Variants in XKR9 observed in about 807,000 individuals in gnomAD.
XKR9 encodes the protein XK-related protein 9.
Under a neutral mutation model 32.0 loss-of-function variants are expected in XKR9, and 32 were observed. That is an observed-to-expected ratio of 1.00 (90% CI 0.76 to 1.34). XKR9 has a LOEUF of 1.34. XKR9 is among the 40% of genes most tolerant of loss of function. The probability of loss-of-function intolerance (pLI) is 0.00; values close to 1 mark genes in which losing one functional copy is unlikely to be tolerated. For missense variants in XKR9, 546 were observed against 429.7 expected, an observed-to-expected ratio of 1.27 and a Z score of -2.39; for synonymous variants, 168 against 143.4, an observed-to-expected ratio of 1.17 and a Z score of -1.22.
chr8:70,890,208 G>A, the XKR9 span, among the ~76,000 whole-genome samples: 2 of 151,696 alleles, frequency 1.3e-5, no homozygotes, highest in African/African-American at 4.8e-5. Context: ...TTGTTGGGGT[G>A]TAGCTTTTAG....
chr8:70,957,783 C>CTTTTTTTTTT, the XKR9 span, among the ~76,000 whole-genome samples: 5 of 84,788 alleles, frequency 5.9e-5, no homozygotes, highest in Admixed American at 1.6e-4. Flanking sequence ...TTCAGTCTAT[C>CTTTTTTTTTT]TTTTTTTTTT....
the XKR9 span, among the ~76,000 whole-genome samples, chr8:71,042,631 G>C: frequency 1.2e-4 from 18 of 151,742 alleles, no homozygotes; most frequent in African/African-American, 3.9e-4. Flanking sequence ...TCCAGACAAG[G>C]CTACAGAAAA....
the XKR9 span, among the ~76,000 whole-genome samples, chr8:70,864,336 C>T: frequency 9.2e-5 from 14 of 152,244 alleles, no homozygotes; most frequent in African/African-American, 3.4e-4. Context: ...TCCTGTTAGC[C>T]TTTTCACCCT....
At chr8:70,944,302 G>A in the XKR9 span, among the ~76,000 whole-genome samples, 1 of 152,138 alleles carries the variant, frequency 6.6e-6, no homozygotes, top group South Asian at 2.1e-4. Context: ...TCTGGCCTAA[G>A]AAAGAACCAT....
the XKR9 span, among the ~76,000 whole-genome samples, chr8:70,830,541 T>C: frequency 6.6e-6 from 1 of 152,144 alleles, no homozygotes; most frequent in Non-Finnish European, 1.5e-5. Flanking sequence ...GTGTGGTGAT[T>C]GTGCCACTGC....
the XKR9 span, among the ~76,000 whole-genome samples, chr8:70,963,365 C>A: frequency 6.6e-6 from 1 of 152,266 alleles, no homozygotes; most frequent in Middle Eastern, 3.4e-3. Context: ...TCCAGTCTAT[C>A]ATTATTGGGC....
intron 2 of XKR9, among the ~76,000 whole-genome samples, chr8:70,757,570 T>C (rs1284274297): frequency 6.6e-6 from 1 of 151,908 alleles, no homozygotes; most frequent in Non-Finnish European, 1.5e-5. Flanking sequence ...TATGTATGTA[T>C]GTATGTATGT....
At chr8:70,947,327 C>T in the XKR9 span, among the ~76,000 whole-genome samples, 12 of 152,118 alleles carry the variant, frequency 7.9e-5, no homozygotes, top group Non-Finnish European at 1.6e-4. Context: ...TAAAAGTTCC[C>T]TTTTCGATTG....
the XKR9 span, among the ~76,000 whole-genome samples, chr8:70,951,338 A>C: frequency 6.6e-6 from 1 of 152,232 alleles, no homozygotes; most frequent in Admixed American, 6.5e-5. Context: ...CAGAGTTAGG[A>C]GGTCAGCTGT....
exon 4 of XKR9, chr8:70,790,316 G>T (rs373083240): frequency 6.6e-6 from 1 of 151,974 alleles, no homozygotes. Flanking sequence ...ATGAAAATGT[G>T]CCTTTAAAAG....
the XKR9 span, among the ~76,000 whole-genome samples, chr8:70,968,332 TC>T: frequency 6.6e-6 from 1 of 152,148 alleles, no homozygotes; most frequent in African/African-American, 2.4e-5. Context: ...GGTTGTCAGC[TC>T]CTGTATTATT....
At chr8:70,824,028 T>C in the XKR9 span, among the ~76,000 whole-genome samples, 5 of 152,142 alleles carry the variant, frequency 3.3e-5, no homozygotes, top group African/African-American at 1.2e-4. Flanking sequence ...CCAAAGCAAT[T>C]TGTAGTCTTT....
intron 4 of XKR9, among the ~76,000 whole-genome samples, chr8:70,711,121 T>C (rs1805905348): frequency 6.6e-6 from 1 of 152,102 alleles, no homozygotes; most frequent in Non-Finnish European, 1.5e-5. Flanking sequence ...AGTCAAAAAA[T>C]AGCAGATGTA....
chr8:70,976,046 CTGT>C, the XKR9 span, among the ~76,000 whole-genome samples: 6 of 152,138 alleles, frequency 3.9e-5, no homozygotes, highest in Admixed American at 3.9e-4. Context: ...CTCTGTTTGT[CTGT>C]TATTTGTGTA....
chr8:70,897,955 A>G, the XKR9 span, among the ~76,000 whole-genome samples: 10 of 152,242 alleles, frequency 6.6e-5, no homozygotes, highest in Non-Finnish European at 1.2e-4. Flanking sequence ...ACATTTATTT[A>G]ATGTAGAGGA....
rs888853624 is a variant in XKR9, at chr8:70,764,846, G to C, written n.353-24493G>C. On this transcript the variant is annotated intron_variant and non_coding_transcript_variant, in intron 2 of 3. Transcript: ENST00000520273. The stretch of plus-strand genomic sequence containing the variant: ...TATGAGTGAGAACATGCGGTGTTTG[G>C]TTTTCTGTTCCTGTGTTAGTTTGCT... Among the ~76,000 whole-genome samples the C allele has an allele frequency of 9.9e-5, 15 of 152,214 alleles. 1 individual carries two copies. The South Asian group carries it at 2.5e-3, about 25-fold the overall frequency.
chr8:70,783,152 G>A (rs1457147922), intron 2 of XKR9, among the ~76,000 whole-genome samples: 1 of 151,316 alleles, frequency 6.6e-6, no homozygotes, highest in Admixed American at 6.6e-5. Flanking sequence ...CCTTCTTGTG[G>A]TTTTACCTTG....
intron 4 of XKR9, among the ~76,000 whole-genome samples, chr8:70,717,658 C>G (rs901195915): frequency 1.3e-5 from 2 of 152,164 alleles, no homozygotes; most frequent in Non-Finnish European, 2.9e-5. Context: ...GCCTCCAGGT[C>G]TGTGATAGAA....
At chr8:70,938,504 C>A in the XKR9 span, among the ~76,000 whole-genome samples, 1 of 152,022 alleles carries the variant, frequency 6.6e-6, no homozygotes, top group Non-Finnish European at 1.5e-5. Context: ...CATGTATGTG[C>A]TCCCAGCCCC....
Sources: allele counts gnomAD v4.1 joint callset (sites outside exome capture counted in the v4.1 genomes callset), GRCh38; gene constraint gnomAD v4.1.1; transcripts MANE v1.5; gene names NCBI Gene and HGNC (gene_info 2026-07-23, HGNC 2026-07-21).